The following DNAH11 variants were observed in gnomAD, a reference collection of about 807,000 sequenced individuals.
DNAH11 encodes the protein dynein axonemal heavy chain 11.
DNAH11 carries 442 observed loss-of-function variants against 526.0 expected under a neutral mutation model. The ratio of observed to expected loss-of-function variants is 0.84; its 90% CI spans 0.78 to 0.91. DNAH11 has a LOEUF of 0.91. DNAH11 is among the 40% of genes least tolerant of loss of function. The pLI is 0.00. For synonymous variants in DNAH11, 2,461 were observed against 1,935.9 expected (o/e 1.27, Z -7.12); for missense variants, 6,989 against 5,448.7 (o/e 1.28, Z -8.90).
In DNAH11 at chr7:21,765,586, T is replaced by A; in HGVS notation, c.9099T>A (p.Ile3033=). The A allele has an allele frequency of 6.3e-7, 1 of 1,587,920 alleles. No homozygotes were observed. The highest frequency in any genetic ancestry group is 2.3e-5 in the East Asian group (1 of 44,244). ...GGTTCATTGAGGAAACCAAGGGAAT[T>A]GAGGTATGCCGTGTCAGCCTGCGTC... The part of the protein sequence containing the change: ...SRRFIEETKG[I]EPVHKDSISL... Residue 3033 remains isoleucine, a synonymous_variant, in exon 55 of 82, where the codon ATT becomes ATA. Transcript: ENST00000409508.
chr7:21,715,368 G>C (rs1784615946), intron 42 of DNAH11, among the ~76,000 whole-genome samples: 1 of 152,210 alleles, frequency 6.6e-6, no homozygotes, highest in African/African-American at 2.4e-5. Context: ...CTGAGCTGCT[G>C]ATAGGAGGAC....
intron 59 of DNAH11, 134 bp from the exon 60 acceptor site, chr7:21,787,267 A>G (rs1788232188): frequency 1.3e-6 from 1 of 779,202 alleles, no homozygotes; most frequent in African/African-American, 1.7e-5. Context: ...TGAAAAAGTC[A>G]AACAGTAGGA....
intron 14 of DNAH11, among the ~76,000 whole-genome samples, chr7:21,591,992 A>G (rs762525793): frequency 2.0e-5 from 3 of 152,208 alleles, no homozygotes; most frequent in Non-Finnish European, 4.4e-5. Flanking sequence ...TCTCCTTTTA[A>G]CAAAGATTTG....
intron 57 of DNAH11, among the ~76,000 whole-genome samples, chr7:21,781,937 G>T (rs1257415084): frequency 6.6e-6 from 1 of 152,180 alleles, no homozygotes; most frequent in Non-Finnish European, 1.5e-5. Flanking sequence ...GATTACTTCT[G>T]CTGATGTGTC....
At position 21,658,909 on chromosome 7, in the gene DNAH11, G is replaced by T. The variant is rs1286475326; in HGVS notation, c.5206G>T (p.Asp1736Tyr). Residue 1736 changes from aspartate (D) to tyrosine (Y), a missense_variant, in exon 30 of 82, where the codon GAT (aspartate) becomes TAT (tyrosine). Asp to Tyr is a radical substitution (Grantham distance 160). Coordinates refer to ENST00000409508, the MANE Select transcript of DNAH11 (RefSeq NM_001277115.2). ...EEKPRELWIF[D>Y]FPAQVALTSS... is the part of the protein sequence containing the mutation. The stretch of plus-strand genomic sequence containing the variant: ...AAAACCTAGGGAACTGTGGATTTTT[G>T]ATTTCCCAGCTCAGGTTGCACTAAC... 12 of 1,609,998 alleles carry T rather than the reference G, an allele frequency of 7.5e-6. No individual in the cohort carries two copies. The highest frequency in any genetic ancestry group is 2.2e-5 in the East Asian group (1 of 44,696).
At chr7:21,729,730 G>A (rs915200674) in intron 45 of DNAH11, among the ~76,000 whole-genome samples, 13 of 95,150 alleles carry the variant, frequency 1.4e-4, no homozygotes, top group Admixed American at 8.0e-4. Context: ...AACCATCTGA[G>A]GTCTCACCAG....
In DNAH11 at chr7:21,687,467, T is replaced by A. The variant is rs370052217; in HGVS notation, c.5864T>A (p.Leu1955Gln). 56 of 1,613,834 alleles carry A rather than the reference T, an allele frequency of 3.5e-5. No individual in the cohort carries two copies. Among genetic ancestry groups the A allele is most frequent in the Non-Finnish European group, 4.6e-5 (54 of 1,179,932 alleles). ...TTCAACCGAATCTCTGTGGAAGTTC[T>A]GTCAGTGGTGGCAGTACAAGTGAAA... ...DEFNRISVEV[L>Q]SVVAVQVKMI... is the part of the protein sequence containing the mutation. Residue 1955 changes from leucine (L) to glutamine (Q), a missense_variant, in exon 34 of 82, where the codon CTG (leucine) becomes CAG (glutamine). Transcript: ENST00000409508.
chr7:21,777,208 C>G (rs1787715103), intron 56 of DNAH11, among the ~76,000 whole-genome samples: 1 of 152,128 alleles, frequency 6.6e-6, no homozygotes, highest in African/African-American at 2.4e-5. Flanking sequence ...TGGTTTTCTT[C>G]ATTCAGCATA....
In DNAH11 at chr7:21,617,604, T is replaced by C; in HGVS notation, c.4096-15T>C. 1 of 1,613,404 alleles carries C rather than the reference T, an allele frequency of 6.2e-7. No homozygotes were observed. Among genetic ancestry groups the C allele is most frequent in the Non-Finnish European group, 8.5e-7 (1 of 1,179,612 alleles). ...ATATCTTGGGAGCTAGGTTTTTTCC[T>C]CCACTTTTCTTTAGGAAATTTGGTC... On this transcript the variant is annotated splice_polypyrimidine_tract_variant and intron_variant, in intron 22 of 81. Coordinates refer to ENST00000409508, the MANE Select transcript of DNAH11 (RefSeq NM_001277115.2).
At chr7:21,611,084 G>A (rs772580382) in intron 20 of DNAH11, among the ~76,000 whole-genome samples, 31 of 152,302 alleles carry the variant, frequency 2.0e-4, no homozygotes, top group Middle Eastern at 3.4e-3. Flanking sequence ...TAAGTTGGTG[G>A]ACTGAGTGGA....
intron 30 of DNAH11, among the ~76,000 whole-genome samples, chr7:21,676,040 G>A (rs1782868408): frequency 6.6e-6 from 1 of 152,130 alleles, no homozygotes; most frequent in Admixed American, 6.6e-5. Flanking sequence ...AAACAGCTGT[G>A]ATAGGAGAAC....
At chr7:21,896,110 G>A (rs1021599501) in intron 79 of DNAH11, among the ~76,000 whole-genome samples, 6 of 152,206 alleles carry the variant, frequency 3.9e-5, no homozygotes, top group Admixed American at 2.6e-4. Flanking sequence ...TGGAATTGTA[G>A]TTCCACCTTA....
chr7:21,825,664 T>C (rs1366985936), intron 65 of DNAH11, among the ~76,000 whole-genome samples: 4 of 152,078 alleles, frequency 2.6e-5, no homozygotes, highest in Admixed American at 2.0e-4. Context: ...TTGAGGGCAC[T>C]CTAAGCTTTC....
At chr7:21,900,151 C>CTTTT (rs767149105) in intron 81 of DNAH11, 31 bp downstream of exon 81, 5 of 1,583,786 alleles carry the variant, frequency 3.2e-6, no homozygotes, top group Non-Finnish European at 4.3e-6. Context: ...AGTGGGGAAC[C>CTTTT]TTTTCTTACT....
chr7:21,681,527 A>T lies in DNAH11; in HGVS notation c.5329-19A>T. On this transcript the variant is annotated intron_variant, in intron 30 of 81. Coordinates refer to ENST00000409508, the MANE Select transcript of DNAH11 (RefSeq NM_001277115.2). ...TATTTGTAACCCTTCTCTCCTTTTT[A>T]AAAAATGATTCCTTCTAGATTTCTC... is the stretch of plus-strand genomic sequence containing the variant. The T allele has an allele frequency of 6.2e-7, 1 of 1,609,812 alleles. No homozygotes were observed. Among genetic ancestry groups the T allele is most frequent in the South Asian group, 1.1e-5 (1 of 90,448 alleles).
In DNAH11 at chr7:21,717,848, T is replaced by C; in HGVS notation, c.7057T>C (p.Tyr2353His). ...CAATTTGACTATTCTTTTTGATAAA[T>C]ATGTCCCTGCATGCTTGGATAAACT... ...KANLTILFDK[Y>H]VPACLDKLRT... is the part of the protein sequence containing the mutation. Residue 2353 changes from tyrosine (Y) to histidine (H), a missense_variant, in exon 43 of 82, where the codon TAT becomes CAT. By Grantham distance (83) the Tyr-to-His change is moderately conservative (BLOSUM62 2). Coordinates refer to ENST00000409508, the MANE Select transcript of DNAH11 (RefSeq NM_001277115.2). The C allele has an allele frequency of 1.2e-6, 2 of 1,613,914 alleles. No individual in the cohort carries two copies. Among genetic ancestry groups the C allele is most frequent in the African/African-American group, 2.7e-5 (2 of 75,042 alleles).
intron 30 of DNAH11, among the ~76,000 whole-genome samples, chr7:21,667,171 C>A (rs1314756747): frequency 6.6e-6 from 1 of 152,098 alleles, no homozygotes; most frequent in East Asian, 1.9e-4. Flanking sequence ...GTAGCAGCTT[C>A]TCTCCCCTGT....
In DNAH11 at chr7:21,745,060, A is replaced by G. The variant is rs945808078; in HGVS notation, c.8507A>G (p.His2836Arg). 2 of 1,604,602 alleles carry G rather than the reference A, an allele frequency of 1.2e-6. No individual in the cohort carries two copies. The highest frequency in any genetic ancestry group is 2.2e-5 in the East Asian group (1 of 44,638). Reference protein sequence around the residue: ...HLVLFEDAMQHVCRISRILRT... With the variant: ...HLVLFEDAMQRVCRISRILRT... ...GTTTTGTTTGAAGATGCCATGCAAC[A>G]TGTGTGAGTTAACTAGTCACGATGC... is the stretch of plus-strand genomic sequence containing the variant. Residue 2836 changes from histidine (H) to arginine (R), a missense_variant, in exon 51 of 82, where the codon CAT becomes CGT. His to Arg is a conservative substitution (Grantham distance 29, BLOSUM62 0). Coordinates refer to ENST00000409508, the MANE Select transcript of DNAH11 (RefSeq NM_001277115.2).
intron 68 of DNAH11, among the ~76,000 whole-genome samples, chr7:21,857,675 A>C (rs1326090059): frequency 6.6e-6 from 1 of 152,220 alleles, no homozygotes; most frequent in Non-Finnish European, 1.5e-5. Context: ...GTACACCCAC[A>C]AATGCATGGT....
Sources: allele counts gnomAD v4.1 joint callset (sites outside exome capture counted in the v4.1 genomes callset), GRCh38; gene constraint gnomAD v4.1.1; transcripts MANE v1.5; gene names NCBI Gene and HGNC (gene_info 2026-07-23, HGNC 2026-07-21).